The following PRKCE variants were observed in gnomAD, a reference collection of about 807,000 sequenced individuals.
PRKCE encodes the protein protein kinase C epsilon type.
In PRKCE, 16 loss-of-function variants were observed where a neutral mutation model predicts 85.4. The observed-to-expected ratio is 0.19, with a 90% CI of 0.13 to 0.28. PRKCE has a LOEUF of 0.28. Among genes scored for constraint, PRKCE ranks in the 10% least tolerant of loss-of-function variants. The pLI is 1.00. For missense variants in PRKCE, 573 were observed against 975.2 expected, an observed-to-expected ratio of 0.59 and a Z score of 5.49; for synonymous variants, 388 against 371.5, an observed-to-expected ratio of 1.04 and a Z score of -0.51.
chr2:45,883,194 G>A (rs573471773), intron 2 of PRKCE, among the ~76,000 whole-genome samples: 1 of 152,324 alleles, frequency 6.6e-6, no homozygotes, highest in African/African-American at 2.4e-5. Context: ...GCCATTTGGG[G>A]ACTTCCCTAA....
chr2:46,111,907 A>G (rs1000801465), intron 11 of PRKCE, among the ~76,000 whole-genome samples: 2 of 152,150 alleles, frequency 1.3e-5, no homozygotes, highest in African/African-American at 2.4e-5. Flanking sequence ...AAATGGCTGT[A>G]CCATTTTATA....
chr2:45,978,732 A>G, intron 3 of PRKCE: 1 of 472,830 alleles, frequency 2.1e-6, no homozygotes, highest in Non-Finnish European at 3.8e-6. Flanking sequence ...GGCTCTCTGT[A>G]TAGGAAATCA....
chr2:45,829,988 G>C (rs1424482205), intron 1 of PRKCE, among the ~76,000 whole-genome samples: 6 of 150,696 alleles, frequency 4.0e-5, no homozygotes, highest in Non-Finnish European at 7.4e-5. Context: ...CAGGAGAATG[G>C]CGTGAACCTG....
intron 2 of PRKCE, among the ~76,000 whole-genome samples, chr2:45,922,314 A>G (rs1373548576): frequency 6.6e-6 from 1 of 152,184 alleles, no homozygotes; most frequent in Non-Finnish European, 1.5e-5. Flanking sequence ...AATGGAAAAG[A>G]GCTGGACTAG....
intron 13 of PRKCE, 39 bp downstream of exon 13, chr2:46,151,268 G>A: frequency 6.9e-7 from 1 of 1,456,608 alleles, no homozygotes; most frequent in South Asian, 1.2e-5. Context: ...TGCTCTCCTG[G>A]GCTCCTCCCC....
chr2:46,102,966 T>G (rs1671378090), intron 11 of PRKCE, among the ~76,000 whole-genome samples: 1 of 152,220 alleles, frequency 6.6e-6, no homozygotes, highest in Admixed American at 6.5e-5. Flanking sequence ...AAAGAAGTAT[T>G]ATATAAAGCC....
intron 2 of PRKCE, among the ~76,000 whole-genome samples, chr2:45,926,473 T>C (rs952720020): frequency 3.9e-5 from 6 of 152,042 alleles, no homozygotes; most frequent in Admixed American, 2.0e-4. Context: ...GCGGTGATAG[T>C]GGTGATAAAG....
At chr2:46,094,372 A>G (rs1670472036) in intron 11 of PRKCE, among the ~76,000 whole-genome samples, 1 of 152,190 alleles carries the variant, frequency 6.6e-6, no homozygotes, top group African/African-American at 2.4e-5. Context: ...CTTTCCTTTT[A>G]TATCTAAAAT....
intron 1 of PRKCE, among the ~76,000 whole-genome samples, chr2:45,745,511 A>C (rs1292193464): frequency 2.0e-5 from 3 of 152,200 alleles, no homozygotes. Context: ...CATTCCAGGA[A>C]GCTTGCTTTC....
intron 4 of PRKCE, 57 bp downstream of exon 4, chr2:45,979,067 G>A: frequency 1.3e-6 from 2 of 1,520,394 alleles, no homozygotes; most frequent in South Asian, 2.3e-5. Context: ...CCAGATCACT[G>A]GCACCCATAG....
intron 10 of PRKCE, among the ~76,000 whole-genome samples, chr2:46,040,748 C>T (rs900508019): frequency 1.3e-5 from 2 of 152,162 alleles, no homozygotes; most frequent in African/African-American, 4.8e-5. Flanking sequence ...GTTTATGACA[C>T]AGAGTTAACA....
rs1034338198 is a variant in PRKCE, at chr2:45,995,096, G to A, written c.824-6308G>A. Among the ~76,000 whole-genome samples, 90 of 152,138 alleles carry A rather than the reference G, an allele frequency of 5.9e-4. 1 individual carries two copies. The highest frequency in any genetic ancestry group is 2.1e-3 in the African/African-American group (88 of 41,520). On this transcript the variant is annotated intron_variant, in intron 6 of 14. Coordinates refer to ENST00000306156, the MANE Select transcript of PRKCE (RefSeq NM_005400.3). ...ACCATCTGAATATCTTCTTTGGCGA[G>A]GTGTATGCTCAAGTCTTTTGCCCAT... is the stretch of plus-strand genomic sequence containing the variant.
rs1677108389 is a variant in PRKCE at position 46,155,501 on chromosome 2, G to C, written c.1921-4105G>C. Among the ~76,000 whole-genome samples, 1 of 152,072 alleles carries C rather than the reference G, an allele frequency of 6.6e-6. No homozygotes were observed. Among genetic ancestry groups the C allele is most frequent in the Admixed American group, 6.5e-5 (1 of 15,280 alleles). ...CCACTTCCCACCCTGCACTCAGGGA[G>C]GGGTATCCCCAGCCAGACCCATCTT... On this transcript the variant is annotated intron_variant, in intron 13 of 14. Coordinates refer to ENST00000306156, the MANE Select transcript of PRKCE (RefSeq NM_005400.3). The surrounding 1 kb of genome is among the most constrained non-coding windows in gnomAD (Gnocchi z 4.7).
At chr2:45,789,806 A>G (rs898898455) in intron 1 of PRKCE, among the ~76,000 whole-genome samples, 2 of 152,224 alleles carry the variant, frequency 1.3e-5, no homozygotes, top group Non-Finnish European at 2.9e-5. Context: ...TAATATTTAT[A>G]TTTTAAATCT....
intron 1 of PRKCE, among the ~76,000 whole-genome samples, chr2:45,842,234 G>A (rs1233612074): frequency 2.0e-5 from 3 of 152,304 alleles, no homozygotes; most frequent in South Asian, 4.1e-4. Context: ...GGGGAGGGAG[G>A]AAGTGAGGGT....
At chr2:45,863,191 C>A (rs1693309547) in intron 2 of PRKCE, among the ~76,000 whole-genome samples, 1 of 152,170 alleles carries the variant, frequency 6.6e-6, no homozygotes, top group South Asian at 2.1e-4. Flanking sequence ...CCAGTCTAGA[C>A]CCTACTGTCT....
chr2:45,680,922 G>A (rs1337696035), intron 1 of PRKCE, among the ~76,000 whole-genome samples: 3 of 152,142 alleles, frequency 2.0e-5, no homozygotes, highest in Non-Finnish European at 2.9e-5. Flanking sequence ...CAGGCCACCA[G>A]ACCCTGTGTT....
At position 45,970,453 on chromosome 2, in the gene PRKCE, A is replaced by G. The variant is rs556772731; in HGVS notation, c.413-5976A>G. ...ATTTAATCAGAAACTAATTGGGAGG[A>G]AACAATCAGAGAAATTCAGATTGTG... On this transcript the variant is annotated intron_variant, in intron 2 of 14. Coordinates refer to ENST00000306156, the MANE Select transcript of PRKCE (RefSeq NM_005400.3). 9.2e-5 allele frequency among the ~76,000 whole-genome samples: 14 copies of G among 152,264 alleles called. No individual in the cohort carries two copies. In the South Asian group the frequency reaches 2.9e-3, roughly 32 times the overall value.
At chr2:45,807,819 A>T (rs1202971719) in intron 1 of PRKCE, among the ~76,000 whole-genome samples, 1 of 151,930 alleles carries the variant, frequency 6.6e-6, no homozygotes, top group Admixed American at 6.6e-5. Flanking sequence ...CCTCCAGGTG[A>T]TCCTGCTGTG....
Sources: allele counts gnomAD v4.1 joint callset (sites outside exome capture counted in the v4.1 genomes callset), GRCh38; gene constraint gnomAD v4.1.1; non-coding constraint Gnocchi (gnomAD v3.1); transcripts MANE v1.5; gene names NCBI Gene and HGNC (gene_info 2026-07-23, HGNC 2026-07-21).